DLGAP1: variants seen among roughly 807,000 people sequenced by gnomAD.
DLGAP1 encodes disks large-associated protein 1.
DLGAP1 carries 11 observed loss-of-function variants against 90.8 expected under a neutral mutation model. The observed-to-expected ratio is 0.12, with a 90% CI of 0.08 to 0.20. The LOEUF (loss-of-function observed/expected upper bound fraction) is 0.20, where lower values mean the gene tolerates loss of function less well. DLGAP1 is among the 10% of genes least tolerant of loss of function. The pLI is 1.00. For missense variants in DLGAP1, 1,050 were observed against 1,333.8 expected (o/e 0.79, Z 3.31); for synonymous variants, 558 against 540.7 (o/e 1.03, Z -0.44).
intron 5 of DLGAP1, among the ~76,000 whole-genome samples, chr18:3,759,117 T>C (rs1467826903): frequency 6.6e-6 from 1 of 152,150 alleles, no homozygotes; most frequent in African/African-American, 2.4e-5. Flanking sequence ...CTGGGAGACA[T>C]TGCTATTGTG....
At chr18:3,790,925 CTG>C (rs1350399122) in intron 5 of DLGAP1, among the ~76,000 whole-genome samples, 2 of 152,212 alleles carry the variant, frequency 1.3e-5, no homozygotes, top group Admixed American at 1.3e-4. Flanking sequence ...AGATAAATCA[CTG>C]TCACTTTGCA....
chr18:3,562,400 T>C (rs1192099522), intron 9 of DLGAP1, among the ~76,000 whole-genome samples: 1 of 152,004 alleles, frequency 6.6e-6, no homozygotes, highest in African/African-American at 2.4e-5. Context: ...TTCCCACCCG[T>C]TGTGGGAGGA....
chr18:4,399,696 G>T (rs1327956358), intron 1 of DLGAP1, among the ~76,000 whole-genome samples: 1 of 152,168 alleles, frequency 6.6e-6, no homozygotes, highest in African/African-American at 2.4e-5. Context: ...TTCAATTGCA[G>T]GTGCAGAGGC....
chr18:3,611,608 C>T (rs2057632499), intron 7 of DLGAP1, among the ~76,000 whole-genome samples: 1 of 152,192 alleles, frequency 6.6e-6, no homozygotes, highest in Admixed American at 6.5e-5. Context: ...GCAGGACCCG[C>T]TGCAGCCCCT....
intron 3 of DLGAP1, among the ~76,000 whole-genome samples, chr18:3,892,348 C>T (rs2071492066): frequency 6.6e-6 from 1 of 152,098 alleles, no homozygotes; most frequent in Admixed American, 6.6e-5. Flanking sequence ...AGCCCTGTCT[C>T]CCCACCCCAT....
At chr18:3,899,348 C>T (rs1568288486) in intron 3 of DLGAP1, among the ~76,000 whole-genome samples, 1 of 152,198 alleles carries the variant, frequency 6.6e-6, no homozygotes. Context: ...AATAAACAAG[C>T]AGCCTATATT....
chr18:3,958,212 T>C (rs1283213086), intron 3 of DLGAP1, among the ~76,000 whole-genome samples: 1 of 151,890 alleles, frequency 6.6e-6, no homozygotes, highest in African/African-American at 2.4e-5. Context: ...CTGGGCCTTA[T>C]TACATACTTT....
At chr18:3,553,632 C>A (rs542236558) in intron 9 of DLGAP1, among the ~76,000 whole-genome samples, 1 of 152,244 alleles carries the variant, frequency 6.6e-6, no homozygotes, top group East Asian at 1.9e-4. Flanking sequence ...CTTCCGGGTT[C>A]AAGCAGTTCT....
intron 1 of DLGAP1, among the ~76,000 whole-genome samples, chr18:4,344,452 C>T (rs2081265934): frequency 6.6e-6 from 1 of 152,152 alleles, no homozygotes; most frequent in Non-Finnish European, 1.5e-5. Context: ...ATAGTAATGT[C>T]ATCTCAACTA....
At chr18:3,763,890 G>A (rs1366614674) in intron 5 of DLGAP1, among the ~76,000 whole-genome samples, 1 of 152,094 alleles carries the variant, frequency 6.6e-6, no homozygotes, top group East Asian at 1.9e-4. Flanking sequence ...GCGAACTACT[G>A]ACCTCAGGTG....
At chr18:3,756,348 C>T (rs891810567) in intron 5 of DLGAP1, among the ~76,000 whole-genome samples, 2 of 152,076 alleles carry the variant, frequency 1.3e-5, no homozygotes, top group African/African-American at 4.8e-5. Flanking sequence ...CACGCCTGGC[C>T]TACACCACAC....
chr18:3,969,028 T>C (rs752542298), intron 3 of DLGAP1, among the ~76,000 whole-genome samples: 1 of 152,086 alleles, frequency 6.6e-6, no homozygotes, highest in Non-Finnish European at 1.5e-5. Flanking sequence ...AGAAGTTAAC[T>C]AATGAATGAA....
chr18:3,868,194 G>A (rs2070524515), intron 4 of DLGAP1, among the ~76,000 whole-genome samples: 1 of 152,192 alleles, frequency 6.6e-6, no homozygotes, highest in African/African-American at 2.4e-5. Flanking sequence ...AAATCGACTA[G>A]AAGGCTGGAG....
At position 4,246,110 on chromosome 18, in the gene DLGAP1, T is replaced by C. The variant is rs186463883; in HGVS notation, c.-266-94823A>G. Among the ~76,000 whole-genome samples the C allele has an allele frequency of 2.7e-3, 415 of 152,308 alleles. 1 individual carries two copies. Among genetic ancestry groups the C allele is most frequent in the African/African-American group, 8.7e-3 (362 of 41,564 alleles). Reference sequence around the variant, plus strand: ...GTTTATTCCTATTAAAGTATGTGTGTGTATCTTGGGGCTATTTGGGGGCTG... The same window carrying C: ...GTTTATTCCTATTAAAGTATGTGTGCGTATCTTGGGGCTATTTGGGGGCTG... On this transcript the variant is annotated intron_variant, in intron 1 of 12. Transcript: ENST00000315677.
At chr18:4,168,405 A>G (rs180901068) in intron 1 of DLGAP1, among the ~76,000 whole-genome samples, 2 of 152,342 alleles carry the variant, frequency 1.3e-5, no homozygotes, top group Non-Finnish European at 2.9e-5. Context: ...TGAACCTCAA[A>G]CTAAACATCA....
chr18:3,923,825 C>A (rs1229905940), intron 3 of DLGAP1, among the ~76,000 whole-genome samples: 3 of 152,134 alleles, frequency 2.0e-5, no homozygotes, highest in Admixed American at 6.5e-5. Context: ...TATCATATTG[C>A]TGATTCACTT....
intron 2 of DLGAP1, among the ~76,000 whole-genome samples, chr18:4,133,226 C>T (rs906567719): frequency 3.3e-5 from 5 of 152,092 alleles, no homozygotes; most frequent in African/African-American, 9.7e-5. Flanking sequence ...TAAGAACATG[C>T]CATGAGGAGA....
At chr18:4,306,673 G>A (rs2080272707) in intron 1 of DLGAP1, among the ~76,000 whole-genome samples, 1 of 152,112 alleles carries the variant, frequency 6.6e-6, no homozygotes, top group Admixed American at 6.5e-5. Context: ...AAATGATACG[G>A]AAGTTTTAGA....
intron 1 of DLGAP1, among the ~76,000 whole-genome samples, chr18:4,424,815 A>G (rs2083116654): frequency 6.6e-6 from 1 of 152,188 alleles, no homozygotes; most frequent in African/African-American, 2.4e-5. Context: ...AGATGGTCAA[A>G]TTGACTACTA....
Sources: gnomAD v4.1 joint callset for allele counts (sites outside exome capture counted in the v4.1 genomes callset) on GRCh38, gnomAD v4.1.1 for gene constraint, MANE v1.5 for transcripts, NCBI Gene and HGNC (gene_info 2026-07-23, HGNC 2026-07-21) for gene names.